Variants in TMEM201 observed in about 807,000 individuals in gnomAD.
The protein encoded by TMEM201 is transmembrane protein 201.
Under a neutral mutation model 63.4 loss-of-function variants are expected in TMEM201, and 26 were observed. The ratio of observed to expected loss-of-function variants is 0.41; its 90% CI spans 0.30 to 0.57. The LOEUF is 0.57. Ranked by LOEUF, TMEM201 falls within the 20% of genes least tolerant of loss-of-function variation. The probability of loss-of-function intolerance (pLI) is 0.29; values close to 1 mark genes in which losing one functional copy is unlikely to be tolerated. For missense variants in TMEM201, 794 were observed against 917.7 expected, an observed-to-expected ratio of 0.87 and a Z score of 1.74; for synonymous variants, 417 against 421.6, an observed-to-expected ratio of 0.99 and a Z score of 0.14.
At chr1:9,601,917 C>A in intron 5 of TMEM201, 152 bp from the exon 6 acceptor site, 1 of 872,060 alleles carries the variant, frequency 1.1e-6, no homozygotes, top group Non-Finnish European at 1.7e-6. Context: ...AGCCAGGTAG[C>A]GTGTGAGTGT....
chr1:9,595,150 C>T (rs1643993907), intron 1 of TMEM201, among the ~76,000 whole-genome samples: 1 of 152,204 alleles, frequency 6.6e-6, no homozygotes, highest in Non-Finnish European at 1.5e-5. Flanking sequence ...CACCCCTCCC[C>T]AGTCCCCCAG....
In TMEM201 at chr1:9,604,825, C is replaced by T; in HGVS notation, c.1160+2553C>T. 1.0e-6 allele frequency: 1 copy of T among 985,984 alleles called. No individual in the cohort carries two copies. Among genetic ancestry groups the T allele is most frequent in the Non-Finnish European group, 1.2e-6 (1 of 829,994 alleles). The allele number at this position is 985,984 out of a possible 1,614,324, so 61.1% of individuals were successfully genotyped here. A position where few individuals can be genotyped will look rare whatever the true frequency, so the allele number is the denominator to read the frequency against. On this transcript the variant is annotated intron_variant, in intron 6 of 10. Coordinates refer to ENST00000340381, the MANE Select transcript of TMEM201 (RefSeq NM_001130924.3). The surrounding 1 kb of genome is among the most constrained non-coding windows in gnomAD (Gnocchi z 4.1). ...TCTGTGACTGTTGCTGAGTCTCTGT[C>T]TCATGTCGTAGAATTGTGGATAATT...
Position 9,603,208 on chromosome 1 carries a change from C to T in TMEM201, c.1160+936C>T. 6 of 985,512 alleles carry T rather than the reference C, an allele frequency of 6.1e-6. No homozygotes were observed. Among genetic ancestry groups the T allele is most frequent in the African/African-American group, 1.7e-5 (1 of 57,354 alleles). 61.0% of individuals were successfully genotyped at this position (985,512 alleles called of 1,614,324 possible). ...CCTCCGACTCAGGTGAGGGGGCAGC[C>T]CACAGACCTGCTCCTCAGTAGCAGG... On this transcript the variant is annotated intron_variant, in intron 6 of 10. Coordinates refer to ENST00000340381, the MANE Select transcript of TMEM201 (RefSeq NM_001130924.3). This position sits in a 1 kb window ranked among gnomAD's most constrained non-coding sequence, Gnocchi z 4.5.
In TMEM201 at chr1:9,594,667, C is replaced by T. The variant is rs116012064; in HGVS notation, c.114-1223C>T. Among the ~76,000 whole-genome samples the T allele has an allele frequency of 1.8e-3, 280 of 152,282 alleles. 1 individual carries two copies. The highest frequency in any genetic ancestry group is 6.4e-3 in the African/African-American group (264 of 41,562). On this transcript the variant is annotated intron_variant, in intron 1 of 10. Transcript: ENST00000340381. ...GTGTCAGAAGCGGGAGCCCTGCTTCCCAGGGCCCAGCCTCCCCCTCAGGCC... is the reference window on the plus strand; with the variant it reads ...GTGTCAGAAGCGGGAGCCCTGCTTCTCAGGGCCCAGCCTCCCCCTCAGGCC...
At chr1:9,600,245 A>G (rs1006226790) in intron 4 of TMEM201, among the ~76,000 whole-genome samples, 7 of 152,144 alleles carry the variant, frequency 4.6e-5, no homozygotes, top group Admixed American at 2.6e-4. Flanking sequence ...TATTCTATCA[A>G]CTGAGTACTA....
chr1:9,599,060 C>T (rs950628725), intron 4 of TMEM201, among the ~76,000 whole-genome samples: 1 of 150,462 alleles, frequency 6.6e-6, no homozygotes, highest in African/African-American at 2.5e-5. Flanking sequence ...CCCGTCTCAG[C>T]CTCCCGAGTA....
In TMEM201 at chr1:9,602,594, A is replaced by T. The variant is rs1286614331; in HGVS notation, c.1160+322A>T. 5 of 1,250,816 alleles carry T rather than the reference A, an allele frequency of 4.0e-6. No homozygotes were observed. In the African/African-American group the frequency reaches 6.1e-5, roughly 15 times the overall value. 77.5% of individuals were successfully genotyped at this position (1,250,816 alleles called of 1,614,324 possible). A position where few individuals can be genotyped will look rare whatever the true frequency, so the allele number is the denominator to read the frequency against. On this transcript the variant is annotated intron_variant, in intron 6 of 10. Transcript: ENST00000340381. ...GCAGCGCCCACACAGGCTCTGGCCC[A>T]TGGCTTCCTACTGGCAGCTCCAGGC...
chr1:9,596,585 CAG>C (rs1644024287), intron 2 of TMEM201, among the ~76,000 whole-genome samples: 1 of 152,186 alleles, frequency 6.6e-6, no homozygotes, highest in Non-Finnish European at 1.5e-5. Flanking sequence ...GCTCTGAGGA[CAG>C]ATGCTGGCTA....
chr1:9,610,575 G>T lies in TMEM201; in HGVS notation c.1535G>T (p.Gly512Val). ...PLPSPAPSVA[G>V]SVASSSGSLR... is the part of the protein sequence containing the mutation. ...CCTTCCCCAGCGCCTTCCGTGGCCG[G>T]CTCGGTGGCCTCCAGCTCCGGCTCT... is the stretch of plus-strand genomic sequence containing the variant. Residue 512 changes from glycine to valine, a missense_variant, in exon 9 of 11, where the codon GGC (glycine) becomes GTC (valine). By Grantham distance (109) the Gly-to-Val change is moderately radical. Transcript: ENST00000340381. This position sits in a 1 kb window ranked among gnomAD's most constrained non-coding sequence, Gnocchi z 4.9. 1 of 1,549,996 alleles carries T rather than the reference G, an allele frequency of 6.5e-7. No homozygotes were observed. The highest frequency in any genetic ancestry group is 8.7e-7 in the Non-Finnish European group (1 of 1,146,652).
Position 9,610,027 on chromosome 1 carries a change from C to T in TMEM201, c.1465+116C>T, listed in dbSNP as rs1644299959. On this transcript the variant is annotated intron_variant, in intron 8 of 10. Transcript: ENST00000340381. The surrounding 1 kb of genome is among the most constrained non-coding windows in gnomAD (Gnocchi z 4.9). ...ACAGACCCCAAGTGTGTGTTCACATCTCAGCCCTGGGCAAGTGACCTACAC... is the reference window on the plus strand; with the variant it reads ...ACAGACCCCAAGTGTGTGTTCACATTTCAGCCCTGGGCAAGTGACCTACAC... 1.7e-5 allele frequency: 17 copies of T among 994,446 alleles called. No homozygotes were observed. Among genetic ancestry groups the T allele is most frequent in the Non-Finnish European group, 2.3e-5 (15 of 649,608 alleles). The allele number at this position is 994,446 out of a possible 1,614,324, so 61.6% of individuals were successfully genotyped here. A position where few individuals can be genotyped will look rare whatever the true frequency, so the allele number is the denominator to read the frequency against.
At chr1:9,596,163 T>G (rs564758047) in intron 2 of TMEM201, among the ~76,000 whole-genome samples, 153 bp downstream of exon 2, 2 of 152,210 alleles carry the variant, frequency 1.3e-5, no homozygotes, top group African/African-American at 4.8e-5. Flanking sequence ...GCATGGTGTT[T>G]CGTGTACATT....
In TMEM201 at chr1:9,610,190, G is replaced by A. The variant is rs551357825; in HGVS notation, c.1465+279G>A. On this transcript the variant is annotated intron_variant, in intron 8 of 10. Transcript: ENST00000340381. The surrounding 1 kb of genome is among the most constrained non-coding windows in gnomAD (Gnocchi z 4.9). ...AGGTGCCAGCTGGCAGCAAGGCCTC[G>A]GGTGAGCTGGCCTTGTACCTCCAGG... 6.6e-6 allele frequency among the ~76,000 whole-genome samples: 1 copy of A among 152,290 alleles called. No homozygotes were observed. Among genetic ancestry groups the A allele is most frequent in the Non-Finnish European group, 1.5e-5 (1 of 68,018 alleles).
rs1369059943 is a variant in TMEM201, at chr1:9,601,360, G to A, written c.862G>A (p.Glu288Lys). 1 of 1,607,088 alleles carries A rather than the reference G, an allele frequency of 6.2e-7. No homozygotes were observed. Among genetic ancestry groups the A allele is most frequent in the Non-Finnish European group, 8.5e-7 (1 of 1,179,882 alleles). Residue 288 changes from glutamate (E) to lysine (K), a missense_variant, in exon 5 of 11, where the codon GAG (glutamate) becomes AAG (lysine). Transcript: ENST00000340381. ...CGAGCACATGGCGGAGAAGCTGTGTGAGGCCTGGGCCTTTGGGCAGAGCCA... is the reference window on the plus strand; with the variant it reads ...CGAGCACATGGCGGAGAAGCTGTGTAAGGCCTGGGCCTTTGGGCAGAGCCA... ...LPEHMAEKLC[E>K]AWAFGQSHQT...
Position 9,610,692 on chromosome 1 carries a change from C to A in TMEM201, c.1652C>A (p.Pro551His). ...TTCCCGTCACCCCCTGGAGAGGCCC[C>A]CACCACGCCCAGCAGCTCCGATGAG... ...LLFPSPPGEA[P>H]TTPSSSDEHS... The change falls in exon 9 of 11, where the codon CCC (proline) becomes CAC (histidine). Residue 551 changes from proline to histidine, a missense_variant. Coordinates refer to ENST00000340381, the MANE Select transcript of TMEM201 (RefSeq NM_001130924.3). This position sits in a 1 kb window ranked among gnomAD's most constrained non-coding sequence, Gnocchi z 4.9. The A allele has an allele frequency of 2.6e-6, 4 of 1,550,568 alleles. No individual in the cohort carries two copies. Among genetic ancestry groups the A allele is most frequent in the Non-Finnish European group, 3.5e-6 (4 of 1,146,908 alleles).
At chr1:9,590,087 G>A (rs968700612) in intron 1 of TMEM201, among the ~76,000 whole-genome samples, 1 of 152,222 alleles carries the variant, frequency 6.6e-6, no homozygotes, top group Non-Finnish European at 1.5e-5. Context: ...AGAGGAGGAA[G>A]GCATGGGAGG....
rs751174516 is a variant in TMEM201, at chr1:9,598,512, C to T, written c.493C>T (p.Arg165Trp). The change falls in exon 4 of 11, where the codon CGG becomes TGG. Residue 165 changes from arginine (R) to tryptophan (W), a missense_variant. Arg to Trp is a moderately radical substitution (Grantham distance 101). Coordinates refer to ENST00000340381, the MANE Select transcript of TMEM201 (RefSeq NM_001130924.3). ...CCTGGAGCAGATGTACAAGCTGTGC[C>T]GGCCGTGCCAAGCGGCTGTGGAGTA... is the stretch of plus-strand genomic sequence containing the variant. ...HHLEQMYKLCRPCQAAVEYYI... is the reference protein window; with the variant it reads ...HHLEQMYKLCWPCQAAVEYYI... 16 of 1,613,876 alleles carry T rather than the reference C, an allele frequency of 9.9e-6. No individual in the cohort carries two copies. The East Asian group carries it at 1.3e-4, about 13-fold the overall frequency.
rs1476050755 is a variant in TMEM201 at position 9,604,845 on chromosome 1, A to G, written c.1160+2573A>G. The G allele has an allele frequency of 3.0e-6, 3 of 985,824 alleles. No homozygotes were observed. In the South Asian group the frequency reaches 1.4e-4, roughly 46 times the overall value. The allele number at this position is 985,824 out of a possible 1,614,324, so 61.1% of individuals were successfully genotyped here. ...TCTGTCTCATGTCGTAGAATTGTGG[A>G]TAATTGTCTAGTGACCCTCTCATCA... On this transcript the variant is annotated intron_variant, in intron 6 of 10. Transcript: ENST00000340381. The surrounding 1 kb of genome is among the most constrained non-coding windows in gnomAD (Gnocchi z 4.1).
At chr1:9,592,915 C>T (rs147139824) in intron 1 of TMEM201, among the ~76,000 whole-genome samples, 77 of 152,334 alleles carry the variant, frequency 5.1e-4, no homozygotes, top group African/African-American at 1.6e-3. Flanking sequence ...GAGCTGGAAC[C>T]GTTGTGGGCA....
intron 1 of TMEM201, among the ~76,000 whole-genome samples, chr1:9,591,758 C>T (rs895896275): frequency 1.3e-5 from 2 of 152,240 alleles, no homozygotes; most frequent in African/African-American, 4.8e-5. Context: ...CGGCCCTTCC[C>T]GTTTCCAGGC....
Sources: gnomAD v4.1 joint callset for allele counts (sites outside exome capture counted in the v4.1 genomes callset) on GRCh38, gnomAD v4.1.1 for gene constraint, Gnocchi (gnomAD v3.1) non-coding constraint, MANE v1.5 for transcripts, NCBI Gene and HGNC (gene_info 2026-07-23, HGNC 2026-07-21) for gene names.